PALM3: variants seen among roughly 807,000 people sequenced by gnomAD.
The protein encoded by PALM3 is paralemmin 3.
Under a neutral mutation model 27.9 loss-of-function variants are expected in PALM3, and 20 were observed. That is an observed-to-expected ratio of 0.72 (90% confidence interval 0.50 to 1.04). The LOEUF is 1.04. Ranked by LOEUF, PALM3 falls within the 50% of genes least tolerant of loss-of-function variation. PALM3 has a pLI of 0.00. For missense variants in PALM3, 814 were observed against 869.4 expected (o/e 0.94, Z 0.80); for synonymous variants, 328 against 352.7 (o/e 0.93, Z 0.79).
Position 14,053,847 on chromosome 19 carries a change from T to C in PALM3, c.1825A>G (p.Thr609Ala). 1 of 1,551,264 alleles carries C rather than the reference T, an allele frequency of 6.4e-7. No individual in the cohort carries two copies. The change falls in exon 7 of 7, where the codon ACC becomes GCC. Residue 609 changes from threonine (T) to alanine (A), a missense_variant. Thr to Ala is a moderately conservative substitution (Grantham distance 58). Coordinates refer to ENST00000669674, the MANE Select transcript of PALM3 (RefSeq NM_001145028.2). Reference protein sequence around the residue: ...ALEEEGVKPQTAAEGQGPLGD... With the variant: ...ALEEEGVKPQAAAEGQGPLGD... ...AAGGGGCCTTGGCCCTCAGCAGCGG[T>C]TTGGGGCTTCACTCCTTCCTCCTCC...
rs1568505659 is a variant in PALM3 at position 14,053,712 on chromosome 19, C to T, written c.1960G>A (p.Val654Met). The change falls in exon 7 of 7, where the codon GTG (valine) becomes ATG (methionine). Residue 654 changes from valine to methionine, a missense_variant. Coordinates refer to ENST00000669674, the MANE Select transcript of PALM3 (RefSeq NM_001145028.2). ...TGCCGGGCAGGCGCGTAGGTGGGCA[C>T]AGGGTGGGCACTGGGGTTGGCGCTG... ...GPSANPSAHP[V>M]PTYAPARQPE... is the part of the protein sequence containing the mutation. The T allele has an allele frequency of 2.0e-6, 3 of 1,514,458 alleles. No homozygotes were observed. The Admixed American group carries it at 6.8e-5, about 34-fold the overall frequency. The allele number at this position is 1,514,458 out of a possible 1,614,324, so 93.8% of individuals were successfully genotyped here. A position where few individuals can be genotyped will look rare whatever the true frequency, so the allele number is the denominator to read the frequency against.
At position 14,054,855 on chromosome 19, in the gene PALM3, C is replaced by T; in HGVS notation, c.817G>A (p.Ala273Thr). 2 of 1,549,222 alleles carry T rather than the reference C, an allele frequency of 1.3e-6. No homozygotes were observed. The highest frequency in any genetic ancestry group is 1.7e-6 in the Non-Finnish European group (2 of 1,146,328). The change falls in exon 7 of 7, where the codon GCT becomes ACT. Residue 273 changes from alanine (A) to threonine (T), a missense_variant. Transcript: ENST00000669674. ...VLEAIGDRKG[A>T]GSLELPAWVK... ...CAGGCCGGGAGCTCCAGGCTACCAG[C>T]TCCCTTCCTGTCTCCGATGGCTTCC...
At position 14,054,783 on chromosome 19, in the gene PALM3, C is replaced by G. The variant is rs1371281898; in HGVS notation, c.889G>C (p.Gly297Arg). 1.9e-6 allele frequency: 3 copies of G among 1,551,186 alleles called. No homozygotes were observed. The highest frequency in any genetic ancestry group is 8.7e-7 in the Non-Finnish European group (1 of 1,146,692). Residue 297 changes from glycine to arginine, a missense_variant, in exon 7 of 7, where the codon GGT becomes CGT. By Grantham distance (125) the Gly-to-Arg change is moderately radical. Transcript: ENST00000669674. ...CCCATGGCCTCTGCATCACTGCCACCCACCCCCTCCCAGACCACCTCCACG... is the reference window on the plus strand; with the variant it reads ...CCCATGGCCTCTGCATCACTGCCACGCACCCCCTCCCAGACCACCTCCACG... ...GIVEVVWEGV[G>R]GSDAEAMGEI...
chr19:14,055,880 A>T (rs1976296000), intron 5 of PALM3, among the ~76,000 whole-genome samples: 1 of 151,948 alleles, frequency 6.6e-6, no homozygotes, highest in Non-Finnish European at 1.5e-5. Context: ...CCTCCCTAGT[A>T]GCTGGGACTA....
rs919660787 is a variant in PALM3 at position 14,061,886 on chromosome 19, T to C, written c.41+54A>G. On this transcript the variant is annotated intron_variant, in intron 1 of 6. Transcript: ENST00000669674. ...TCCCAGACAAGGCCAGCATCCCCCA[T>C]GAGCCCCTCCCAAGGCCCTGCCCAC... The C allele has an allele frequency of 8.4e-6, 8 of 952,744 alleles. No homozygotes were observed. In the East Asian group the frequency reaches 8.1e-4, roughly 97 times the overall value. The allele number at this position is 952,744 out of a possible 1,614,324, so 59.0% of individuals were successfully genotyped here. A position where few individuals can be genotyped will look rare whatever the true frequency, so the allele number is the denominator to read the frequency against.
chr19:14,054,715 A>G lies in PALM3; in HGVS notation c.957T>C (p.Pro319=). Residue 319 remains proline (P), a synonymous_variant, in exon 7 of 7, where the codon CCT becomes CCC. Transcript: ENST00000669674. The part of the protein sequence containing the change: ...RVPEVVQTSS[P]RLQERLEAAA... ...CTGCCTCTAATCTCTCCTGGAGCCT[A>G]GGCGAGCTAGTCTGCACGACCTCAG... is the stretch of plus-strand genomic sequence containing the variant. 6.4e-7 allele frequency: 1 copy of G among 1,551,652 alleles called. No individual in the cohort carries two copies. The highest frequency in any genetic ancestry group is 8.7e-7 in the Non-Finnish European group (1 of 1,146,992).
Position 14,054,378 on chromosome 19 carries a change from C to T in PALM3, c.1294G>A (p.Ala432Thr). The change falls in exon 7 of 7, where the codon GCG (alanine) becomes ACG (threonine). Residue 432 changes from alanine to threonine, a missense_variant. Physicochemically the swap from Ala to Thr is moderately conservative, Grantham distance 58. Coordinates refer to ENST00000669674, the MANE Select transcript of PALM3 (RefSeq NM_001145028.2). The part of the protein sequence containing the change: ...EEKPGTGRDE[A>T]EMSPVVERKG... Reference sequence around the variant, plus strand: ...CTCTCTACCACTGGTGACATCTCCGCTTCATCCCTCCCTGTCCCTGGCTTT... The same window carrying T: ...CTCTCTACCACTGGTGACATCTCCGTTTCATCCCTCCCTGTCCCTGGCTTT... 2 of 1,552,098 alleles carry T rather than the reference C, an allele frequency of 1.3e-6. No homozygotes were observed. The highest frequency in any genetic ancestry group is 1.7e-6 in the Non-Finnish European group (2 of 1,147,032).
chr19:14,054,492 C>CT lies in PALM3; in HGVS notation c.1179_1180insA (p.Ala394SerfsTer29). ...CCTCCTCCCGTCTTGGCCCCCTCGG[C>CT]CCCCAGCGGGCTTTCATCTCCTCTC... is the stretch of plus-strand genomic sequence containing the variant. On this transcript the variant is annotated frameshift_variant, in exon 7 of 7. Coordinates refer to ENST00000669674, the MANE Select transcript of PALM3 (RefSeq NM_001145028.2). LOFTEE classifies it low-confidence loss of function (END_TRUNC). 6.4e-7 allele frequency: 1 copy of CT among 1,551,082 alleles called. No individual in the cohort carries two copies. Among genetic ancestry groups the CT allele is most frequent in the Non-Finnish European group, 8.7e-7 (1 of 1,146,698 alleles).
intron 2 of PALM3, 160 bp from the exon 3 acceptor site, chr19:14,057,591 A>C (rs1599309604): frequency 1.7e-5 from 3 of 177,412 alleles, no homozygotes; most frequent in African/African-American, 3.7e-5. Context: ...GTCTGCACCC[A>C]GGGCGGGGAG....
At chr19:14,060,836 C>T (rs1976402445) in intron 1 of PALM3, among the ~76,000 whole-genome samples, 1 of 152,198 alleles carries the variant, frequency 6.6e-6, no homozygotes, top group Non-Finnish European at 1.5e-5. Context: ...TCTCAGCTCA[C>T]TGCAACCCCC....
At position 14,057,574 on chromosome 19, in the gene PALM3, A is replaced by T. The variant is rs544536609; in HGVS notation, c.91-143T>A. On this transcript the variant is annotated intron_variant, in intron 2 of 6. Coordinates refer to ENST00000669674, the MANE Select transcript of PALM3 (RefSeq NM_001145028.2). ...GCAGCGAGCCCGGCGGGGGTGGCCC[A>T]GCGCGGGTCTGCACCCAGGGCGGGG... The T allele has an allele frequency of 5.6e-3, 2,765 of 493,212 alleles. 79 individuals are homozygous for T. The highest frequency in any genetic ancestry group is 0.054 in the African/African-American group (2,466 of 45,380). The allele number at this position is 493,212 out of a possible 1,614,324, so 30.6% of individuals were successfully genotyped here. A position where few individuals can be genotyped will look rare whatever the true frequency, so the allele number is the denominator to read the frequency against.
At chr19:14,057,215 G>C in intron 3 of PALM3, 136 bp downstream of exon 3, 1 of 598,906 alleles carries the variant, frequency 1.7e-6, no homozygotes, top group Non-Finnish European at 2.8e-6. Flanking sequence ...CCCCGGCCAA[G>C]CTGGAACCAA....
chr19:14,061,202 G>A (rs530708861), intron 1 of PALM3, among the ~76,000 whole-genome samples: 1 of 152,196 alleles, frequency 6.6e-6, no homozygotes, highest in South Asian at 2.1e-4. Context: ...TGCTGGGGGG[G>A]ATCGGGTTCC....
Position 14,059,119 on chromosome 19 carries a change from A to G in PALM3, c.86T>C (p.Ile29Thr). The change falls in exon 2 of 7, where the codon ATC (isoleucine) becomes ACC (threonine). Residue 29 changes from isoleucine (I) to threonine (T), a missense_variant. Transcript: ENST00000669674. Reference protein sequence around the residue: ...SSLYRQRLEVIAEKRRLQEEI... With the variant: ...SSLYRQRLEVTAEKRRLQEEI... ...CGCGGGGAGGGCGTCACTTACAGCG[A>G]TGACTTCTAGCCGCTGCCGGTAGAG... 1 of 1,449,904 alleles carries G rather than the reference A, an allele frequency of 6.9e-7. No individual in the cohort carries two copies. Among genetic ancestry groups the G allele is most frequent in the South Asian group, 1.4e-5 (1 of 70,884 alleles). 89.8% of individuals were successfully genotyped at this position (1,449,904 alleles called of 1,614,324 possible). A position where few individuals can be genotyped will look rare whatever the true frequency, so the allele number is the denominator to read the frequency against.
At chr19:14,058,267 T>G (rs1599309999) in intron 2 of PALM3, among the ~76,000 whole-genome samples, 7 of 93,606 alleles carry the variant, frequency 7.5e-5, no homozygotes, top group South Asian at 3.3e-4. Flanking sequence ...TGGGGTACAG[T>G]GAGATGGGGT....
Position 14,054,771 on chromosome 19 carries a change from C to T in PALM3, c.901G>A (p.Ala301Thr). 3 of 1,551,744 alleles carry T rather than the reference C, an allele frequency of 1.9e-6. No individual in the cohort carries two copies. Among genetic ancestry groups the T allele is most frequent in the Non-Finnish European group, 2.6e-6 (3 of 1,147,000 alleles). ...VVWEGVGGSD[A>T]EAMGEIGRVP... ...CTGCCTATCTCCCCCATGGCCTCTG[C>T]ATCACTGCCACCCACCCCCTCCCAG... The change falls in exon 7 of 7, where the codon GCA (alanine) becomes ACA (threonine). Residue 301 changes from alanine to threonine, a missense_variant. Coordinates refer to ENST00000669674, the MANE Select transcript of PALM3 (RefSeq NM_001145028.2).
chr19:14,061,800 T>C (rs1228950298), intron 1 of PALM3, 140 bp downstream of exon 1: 1 of 292,606 alleles, frequency 3.4e-6, no homozygotes, highest in African/African-American at 2.3e-5. Flanking sequence ...GCCTATGGGG[T>C]TGGCTAGCCA....
chr19:14,057,958 A>T (rs1052680721), intron 2 of PALM3, among the ~76,000 whole-genome samples: 1 of 152,100 alleles, frequency 6.6e-6, no homozygotes, highest in Admixed American at 6.5e-5. Context: ...AAATACAAAA[A>T]TTAGCTGGGC....
intron 3 of PALM3, 170 bp from the exon 4 acceptor site, chr19:14,056,974 G>T: frequency 1.4e-6 from 1 of 693,006 alleles, no homozygotes; most frequent in Non-Finnish European, 2.4e-6. Context: ...GCTGCAAGTG[G>T]GCAGACATCC....
Sources: gnomAD v4.1 joint callset for allele counts (sites outside exome capture counted in the v4.1 genomes callset) on GRCh38, gnomAD v4.1.1 for gene constraint, MANE v1.5 for transcripts, NCBI Gene and HGNC (gene_info 2026-07-23, HGNC 2026-07-21) for gene names.